Variants in LRBA observed in about 807,000 individuals in gnomAD.
LRBA encodes the protein lipopolysaccharide-responsive and beige-like anchor protein.
In LRBA, 176 loss-of-function variants were observed where a neutral mutation model predicts 330.0. The observed-to-expected ratio is 0.53, with a 90% CI of 0.47 to 0.60. The LOEUF (loss-of-function observed/expected upper bound fraction) is 0.60. LRBA is among the 20% of genes least tolerant of loss of function. LRBA has a pLI of 0.00. For missense variants in LRBA, 3,259 were observed against 3,444.8 expected (o/e 0.95, Z 1.35); for synonymous variants, 1,230 against 1,193.0 (o/e 1.03, Z -0.64).
chr4:150,541,766 C>T (rs931357816), intron 40 of LRBA, among the ~76,000 whole-genome samples: 2 of 152,090 alleles, frequency 1.3e-5, no homozygotes, highest in South Asian at 2.1e-4. Context: ...CCTCATAGCT[C>T]GCTGCAGCCT....
intron 2 of LRBA, among the ~76,000 whole-genome samples, chr4:150,964,374 G>A (rs1273332): frequency 0.11 from 17,061 of 149,310 alleles, 2,403 homozygotes; most frequent in South Asian, 0.27. Flanking sequence ...CGGTTTTGTC[G>A]AATAGAAAAG....
chr4:150,910,835 C>CA (rs1468912184), intron 9 of LRBA, among the ~76,000 whole-genome samples: 1 of 152,136 alleles, frequency 6.6e-6, no homozygotes, highest in East Asian at 1.9e-4. Context: ...TTGTCAGCAA[C>CA]ATTTTGTACT....
At chr4:150,954,165 G>A (rs1390001701) in intron 2 of LRBA, among the ~76,000 whole-genome samples, 14 of 147,234 alleles carry the variant, frequency 9.5e-5, no homozygotes, top group South Asian at 4.4e-4. Context: ...GCCCCCGCCC[G>A]GCCAGCCGCC....
intron 47 of LRBA, among the ~76,000 whole-genome samples, chr4:150,353,838 T>G (rs1437885662): frequency 6.6e-6 from 1 of 152,138 alleles, no homozygotes; most frequent in East Asian, 1.9e-4. Context: ...TGAATATACT[T>G]TAAATAATTT....
At position 150,277,977 on chromosome 4, in the gene LRBA, A is replaced by G; in HGVS notation, c.8344T>C (p.Tyr2782His). 6.2e-7 allele frequency: 1 copy of G among 1,614,106 alleles called. No individual in the cohort carries two copies. The highest frequency in any genetic ancestry group is 8.5e-7 in the Non-Finnish European group (1 of 1,179,994). Reference sequence around the variant, plus strand: ...CCTCTGTCTCCTCCTGTGAGCAGGTACTGCCCATCTCGGCTCAGCTGGATG... The same window carrying G: ...CCTCTGTCTCCTCCTGTGAGCAGGTGCTGCCCATCTCGGCTCAGCTGGATG... ...RAIQLSRDGQYLLTGGDRGVV... is the reference protein window; with the variant it reads ...RAIQLSRDGQHLLTGGDRGVV... The change falls in exon 56 of 57, where the codon TAC becomes CAC. Residue 2782 changes from tyrosine (Y) to histidine (H), a missense_variant. Transcript: ENST00000651943.
Position 150,599,016 on chromosome 4 carries a change from C to A in LRBA, c.6037G>T (p.Val2013Leu). The A allele has an allele frequency of 6.2e-7, 1 of 1,614,020 alleles. No homozygotes were observed. Among genetic ancestry groups the A allele is most frequent in the South Asian group, 1.1e-5 (1 of 91,084 alleles). Residue 2013 changes from valine (V) to leucine (L), a missense_variant, in exon 38 of 57, where the codon GTG becomes TTG. Val to Leu is a conservative substitution (Grantham distance 32). Transcript: ENST00000651943. ...THPEATLKTA[V>L]EHATDEDILA... The stretch of plus-strand genomic sequence containing the variant: ...TGGTTTATACACTGACCATGTTCCA[C>A]GGCTGTTTTTAGTGTCGCTTCAGGA...
At chr4:150,460,050 C>T (rs1561208881) in intron 44 of LRBA, among the ~76,000 whole-genome samples, 1 of 151,600 alleles carries the variant, frequency 6.6e-6, no homozygotes, top group Non-Finnish European at 1.5e-5. Context: ...TCCCCCCACC[C>T]CCAAGAGTGT....
Position 150,846,938 on chromosome 4 carries a change from T to C in LRBA, c.4339+1880A>G, listed in dbSNP as rs151195055. On this transcript the variant is annotated intron_variant, in intron 26 of 56. Coordinates refer to ENST00000651943, the MANE Select transcript of LRBA (RefSeq NM_001364905.1). ...CCCTAGCCTCTGAATCTGATGATTC[T>C]TGAGTAAGGCTTTGCTAGTATAGCC... 4.6e-5 allele frequency among the ~76,000 whole-genome samples: 7 copies of C among 152,322 alleles called. No homozygotes were observed. The East Asian group carries it at 1.2e-3, about 25-fold the overall frequency.
At chr4:150,849,101 C>T (rs573850894) in intron 25 of LRBA, 103 bp from the exon 26 acceptor site, 1 of 748,328 alleles carries the variant, frequency 1.3e-6, no homozygotes, top group African/African-American at 1.8e-5. Context: ...GTCAGACTTT[C>T]AGAAACCTAG....
At chr4:150,346,770 A>AAAAAAAAAAAAC (rs1561046095) in intron 48 of LRBA, among the ~76,000 whole-genome samples, 13 of 150,138 alleles carry the variant, frequency 8.7e-5, no homozygotes, top group African/African-American at 3.0e-4. Context: ...AAAAAAAAAA[A>AAAAAAAAAAAAC]AAAAAAAAAA....
At chr4:150,509,508 G>C (rs992561759) in intron 40 of LRBA, among the ~76,000 whole-genome samples, 3 of 150,258 alleles carry the variant, frequency 2.0e-5, no homozygotes, top group African/African-American at 7.4e-5. Flanking sequence ...AAAAATAAGA[G>C]CAAGTTAAAC....
intron 2 of LRBA, among the ~76,000 whole-genome samples, chr4:150,984,046 A>G (rs1741160417): frequency 6.6e-6 from 1 of 152,094 alleles, no homozygotes; most frequent in Non-Finnish European, 1.5e-5. Flanking sequence ...CCCACCCCCA[A>G]CTCCAACAGC....
chr4:150,410,320 A>C lies in LRBA; in HGVS notation c.7194+5118T>G, dbSNP rs190848598. On this transcript the variant is annotated intron_variant, in intron 47 of 56. Coordinates refer to ENST00000651943, the MANE Select transcript of LRBA (RefSeq NM_001364905.1). ...TTAAATTTTAGCAATGATAGAAACAAGTTTAGATTTTATTTCTTTATCAAC... is the reference window on the plus strand; with the variant it reads ...TTAAATTTTAGCAATGATAGAAACACGTTTAGATTTTATTTCTTTATCAAC... Among the ~76,000 whole-genome samples the C allele has an allele frequency of 2.8e-4, 42 of 152,292 alleles. 1 individual carries two copies. Among genetic ancestry groups the C allele is most frequent in the African/African-American group, 9.6e-4 (40 of 41,572 alleles).
At chr4:150,923,368 T>C (rs1733532143) in intron 4 of LRBA, among the ~76,000 whole-genome samples, 1 of 152,064 alleles carries the variant, frequency 6.6e-6, no homozygotes, top group African/African-American at 2.4e-5. Flanking sequence ...AGCTATTCCT[T>C]ATGCTTAAAA....
intron 47 of LRBA, among the ~76,000 whole-genome samples, chr4:150,399,838 G>A (rs956053974): frequency 5.9e-5 from 9 of 152,106 alleles, no homozygotes; most frequent in African/African-American, 1.9e-4. Flanking sequence ...AGCTGAGTGT[G>A]GTAGTGTGGC....
intron 48 of LRBA, among the ~76,000 whole-genome samples, chr4:150,330,594 C>A (rs935543191): frequency 1.3e-5 from 2 of 152,134 alleles, no homozygotes. Context: ...CAACCGAGAT[C>A]CCTCGCATGT....
chr4:150,949,791 C>T (rs1187058130), intron 2 of LRBA, among the ~76,000 whole-genome samples: 1 of 151,982 alleles, frequency 6.6e-6, no homozygotes. Context: ...TCTGAAGCCA[C>T]CTACAGACAT....
chr4:150,848,702 G>T, intron 26 of LRBA, 116 bp downstream of exon 26: 2 of 789,498 alleles, frequency 2.5e-6, no homozygotes, highest in Non-Finnish European at 2.0e-6. Flanking sequence ...GTAACCATAT[G>T]ACAAATTAGC....
At chr4:150,480,772 G>C (rs1757210035) in intron 42 of LRBA, among the ~76,000 whole-genome samples, 1 of 152,054 alleles carries the variant, frequency 6.6e-6, no homozygotes, top group African/African-American at 2.4e-5. Flanking sequence ...ATATACATAA[G>C]ACATAGTGAT....
Sources: allele counts gnomAD v4.1 joint callset (sites outside exome capture counted in the v4.1 genomes callset), GRCh38; gene constraint gnomAD v4.1.1; transcripts MANE v1.5; gene names NCBI Gene and HGNC (gene_info 2026-07-23, HGNC 2026-07-21).